Variants in PHKB observed in about 807,000 individuals in gnomAD.
The protein encoded by PHKB is phosphorylase b kinase regulatory subunit beta.
A neutral mutation model predicts 152.1 loss-of-function variants in PHKB; 122 were observed. That is an observed-to-expected ratio of 0.80 (90% confidence interval 0.69 to 0.93). PHKB has a LOEUF of 0.93. Among genes scored for constraint, PHKB ranks in the 40% least tolerant of loss-of-function variants. The pLI is 0.00. For synonymous variants in PHKB, 436 were observed against 464.9 expected, an observed-to-expected ratio of 0.94 and a Z score of 0.80; for missense variants, 1,304 against 1,328.4, an observed-to-expected ratio of 0.98 and a Z score of 0.29.
intron 13 of PHKB, among the ~76,000 whole-genome samples, chr16:47,604,125 C>T (rs567004516): frequency 2.0e-5 from 3 of 152,242 alleles, no homozygotes; most frequent in African/African-American, 7.2e-5. Flanking sequence ...CTATTAGAAA[C>T]ATATTTCTTA....
chr16:47,520,496 A>G (rs1406058300), intron 6 of PHKB, among the ~76,000 whole-genome samples: 1 of 152,188 alleles, frequency 6.6e-6, no homozygotes, highest in Non-Finnish European at 1.5e-5. Context: ...AGTCTGACTC[A>G]AGAGTTCATT....
chr16:47,633,819 G>A (rs1972868651), intron 14 of PHKB, among the ~76,000 whole-genome samples: 1 of 152,096 alleles, frequency 6.6e-6, no homozygotes, highest in Non-Finnish European at 1.5e-5. Flanking sequence ...TTAGTTTTGG[G>A]GTAGAGGTAA....
intron 1 of PHKB, among the ~76,000 whole-genome samples, chr16:47,477,038 A>G (rs1236968859): frequency 6.6e-6 from 1 of 152,138 alleles, no homozygotes; most frequent in Non-Finnish European, 1.5e-5. Context: ...CACCTTTATC[A>G]TGAAGTTCCC....
At chr16:47,508,323 A>G (rs1970454444) in intron 4 of PHKB, among the ~76,000 whole-genome samples, 1 of 152,130 alleles carries the variant, frequency 6.6e-6, no homozygotes, top group African/African-American at 2.4e-5. Flanking sequence ...ACTGTCTTTT[A>G]TAATTCTGCC....
intron 1 of PHKB, among the ~76,000 whole-genome samples, chr16:47,483,465 T>G (rs1193468721): frequency 6.6e-6 from 1 of 152,182 alleles, no homozygotes; most frequent in East Asian, 1.9e-4. Flanking sequence ...AATTTTAAAT[T>G]TTTACTTGTA....
chr16:47,474,911 G>A (rs1222625629), intron 1 of PHKB, among the ~76,000 whole-genome samples: 1 of 151,834 alleles, frequency 6.6e-6, no homozygotes, highest in African/African-American at 2.4e-5. Flanking sequence ...TTTAATACAG[G>A]CAGGGTTTCA....
chr16:47,464,425 C>A (rs965692141), intron 1 of PHKB, among the ~76,000 whole-genome samples: 2 of 152,188 alleles, frequency 1.3e-5, no homozygotes, highest in African/African-American at 4.8e-5. Flanking sequence ...TTTTCACAGA[C>A]AGGAAGCGAC....
intron 13 of PHKB, among the ~76,000 whole-genome samples, chr16:47,607,223 G>T (rs1320278078): frequency 4.6e-5 from 7 of 151,732 alleles, no homozygotes; most frequent in Non-Finnish European, 1.0e-4. Context: ...GTGATTTTTG[G>T]TATATTTATA....
chr16:47,699,852 G>T lies in PHKB; in HGVS notation c.*486G>T. 5.6e-6 allele frequency: 1 copy of T among 178,866 alleles called. No individual in the cohort carries two copies. Among genetic ancestry groups the T allele is most frequent in the Non-Finnish European group, 1.2e-5 (1 of 82,952 alleles). 11.1% of individuals were successfully genotyped at this position (178,866 alleles called of 1,614,324 possible). A position where few individuals can be genotyped will look rare whatever the true frequency, so the allele number is the denominator to read the frequency against. On this transcript the variant is annotated 3_prime_UTR_variant, in exon 31 of 31. Coordinates refer to ENST00000323584, the MANE Select transcript of PHKB (RefSeq NM_000293.3). ...ATCATAAAAGCAAAGTCAGCCAGCTGATATTTTGGTTCTCAAAAACTGCAT... is the reference window on the plus strand; with the variant it reads ...ATCATAAAAGCAAAGTCAGCCAGCTTATATTTTGGTTCTCAAAAACTGCAT...
chr16:47,654,960 A>G (rs1266404629), intron 20 of PHKB, among the ~76,000 whole-genome samples: 1 of 149,814 alleles, frequency 6.7e-6, no homozygotes, highest in East Asian at 2.0e-4. Flanking sequence ...TAATAAAAAA[A>G]TAAATAAAGA....
chr16:47,649,783 A>G (rs980008523), intron 18 of PHKB, among the ~76,000 whole-genome samples: 2 of 152,196 alleles, frequency 1.3e-5, no homozygotes, highest in African/African-American at 4.8e-5. Context: ...AATAATAATT[A>G]AGGGGTGTTC....
intron 8 of PHKB, among the ~76,000 whole-genome samples, chr16:47,583,204 C>T (rs929765287): frequency 2.6e-5 from 4 of 152,174 alleles, no homozygotes; most frequent in African/African-American, 9.6e-5. Flanking sequence ...AATTCCCTTT[C>T]GTCTCTTTTT....
intron 9 of PHKB, among the ~76,000 whole-genome samples, chr16:47,588,445 TAA>T (rs1294394517): frequency 6.6e-6 from 1 of 152,138 alleles, no homozygotes; most frequent in African/African-American, 2.4e-5. Flanking sequence ...TACAAAGCTA[TAA>T]GAGTACTTTT....
chr16:47,606,902 A>G (rs1206295347), intron 13 of PHKB, among the ~76,000 whole-genome samples: 1 of 152,006 alleles, frequency 6.6e-6, no homozygotes, highest in Non-Finnish European at 1.5e-5. Flanking sequence ...TCCTCGTTAT[A>G]CCCTAGGATT....
intron 5 of PHKB, among the ~76,000 whole-genome samples, chr16:47,512,342 G>C (rs1002793800): frequency 5.3e-5 from 8 of 152,152 alleles, no homozygotes; most frequent in East Asian, 3.8e-4. Context: ...AAGCAAAAAG[G>C]GTAAATGGAT....
In PHKB at chr16:47,693,522, T is replaced by C. The variant is rs1224295791; in HGVS notation, c.2895+15T>C. 6.2e-7 allele frequency: 1 copy of C among 1,613,820 alleles called. No homozygotes were observed. Among genetic ancestry groups the C allele is most frequent in the Non-Finnish European group, 8.5e-7 (1 of 1,179,906 alleles). On this transcript the variant is annotated intron_variant, in intron 28 of 30. Transcript: ENST00000323584. Reference sequence around the variant, plus strand: ...ATTTGCCTCAGGTAAAGCCCCACCATGTTCACATAAAGAAAGGAGACTTCG... The same window carrying C: ...ATTTGCCTCAGGTAAAGCCCCACCACGTTCACATAAAGAAAGGAGACTTCG...
rs779059387 is a variant in PHKB at position 47,461,357 on chromosome 16, G to C, written c.7G>C (p.Gly3Arg). 1.2e-6 allele frequency: 2 copies of C among 1,610,238 alleles called. No homozygotes were observed. The highest frequency in any genetic ancestry group is 2.7e-5 in the African/African-American group (2 of 74,862). Residue 3 changes from glycine to arginine, a missense_variant, in exon 1 of 31, where the codon GGG becomes CGG. Physicochemically the swap from Gly to Arg is moderately radical, Grantham distance 125. Coordinates refer to ENST00000323584, the MANE Select transcript of PHKB (RefSeq NM_000293.3). MAGAAGLTAEVSW... is the reference protein window; with the variant it reads MARAAGLTAEVSW... ...AGGCGGCGACCGGAGCGCGATGGCG[G>C]GGGCGGCGGGACTCACGGCAGAAGT...
rs1209487220 is a variant in PHKB, at chr16:47,669,221, C to G, written c.2434C>G (p.Leu812Val). ...TFLVHGKQVT[L>V]GAFGHEEEVI... ...AAAATTCTGCCACTTGTAGGTAACT[C>G]TGGGTGCCTTTGGGCATGAAGAAGA... is the stretch of plus-strand genomic sequence containing the variant. Residue 812 changes from leucine to valine, a missense_variant, in exon 26 of 31, where the codon CTG (leucine) becomes GTG (valine). By Grantham distance (32) the Leu-to-Val change is conservative (BLOSUM62 1). Transcript: ENST00000323584. 6.2e-7 allele frequency: 1 copy of G among 1,613,292 alleles called. No individual in the cohort carries two copies. The highest frequency in any genetic ancestry group is 1.3e-5 in the African/African-American group (1 of 74,972).
intron 13 of PHKB, among the ~76,000 whole-genome samples, chr16:47,603,280 A>C (rs1972265494): frequency 6.6e-6 from 1 of 152,118 alleles, no homozygotes. Flanking sequence ...GTACAGGTAT[A>C]TTTTTACATG....
Sources: gnomAD v4.1 joint callset for allele counts (sites outside exome capture counted in the v4.1 genomes callset) on GRCh38, gnomAD v4.1.1 for gene constraint, MANE v1.5 for transcripts, NCBI Gene and HGNC (gene_info 2026-07-23, HGNC 2026-07-21) for gene names.